Variants in AGTRAP observed in about 807,000 individuals in gnomAD.
AGTRAP encodes angiotensin II receptor associated protein, also known as type-1 angiotensin II receptor-associated protein.
Under a neutral mutation model 15.2 loss-of-function variants are expected in AGTRAP, and 7 were observed. That is an observed-to-expected ratio of 0.46 (90% CI 0.26 to 0.87). The LOEUF is 0.87. AGTRAP is among the 40% of genes least tolerant of loss of function. AGTRAP has a pLI of 0.15. For missense variants in AGTRAP, 187 were observed against 213.4 expected (o/e 0.88, Z 0.77); for synonymous variants, 74 against 89.6 (o/e 0.83, Z 0.98).
intron 1 of AGTRAP, among the ~76,000 whole-genome samples, chr1:11,743,077 C>G (rs1642071825): frequency 6.6e-6 from 1 of 152,144 alleles, no homozygotes; most frequent in African/African-American, 2.4e-5. Flanking sequence ...TCTGTGCCAC[C>G]CCACCCCGAC....
In AGTRAP at chr1:11,748,501, C is replaced by T. The variant is rs796560776; in HGVS notation, c.255C>T (p.Gly85=). ...CGCGGGTCAGCCTCACGGACACGGG[C>T]CGCTTTGGCGTGGGCATGGCCATCC... is the stretch of plus-strand genomic sequence containing the variant. ...FYPRVSLTDT[G]RFGVGMAILS... is the part of the protein sequence containing the mutation. The change falls in exon 4 of 5, where the codon GGC becomes GGT. Residue 85 remains glycine, a synonymous_variant. Transcript: ENST00000314340. The T allele has an allele frequency of 1.2e-6, 2 of 1,613,276 alleles. No homozygotes were observed. The highest frequency in any genetic ancestry group is 2.2e-5 in the South Asian group (2 of 91,088).
intron 1 of AGTRAP, among the ~76,000 whole-genome samples, chr1:11,737,664 T>C (rs1035859667): frequency 6.6e-6 from 1 of 152,210 alleles, no homozygotes; most frequent in Non-Finnish European, 1.5e-5. Context: ...CCAGGTCCTT[T>C]CTGGGGTACC....
chr1:11,740,516 T>C (rs1399240557), intron 1 of AGTRAP, among the ~76,000 whole-genome samples: 1 of 152,196 alleles, frequency 6.6e-6, no homozygotes, highest in African/African-American at 2.4e-5. Context: ...CAGGTTACGT[T>C]GTTTTCTTCC....
chr1:11,741,421 T>G (rs1642028330), intron 1 of AGTRAP, among the ~76,000 whole-genome samples: 1 of 152,230 alleles, frequency 6.6e-6, no homozygotes. Context: ...GCTCCGAATC[T>G]GCTCTGCACA....
chr1:11,739,966 A>T (rs1641989614), intron 1 of AGTRAP, among the ~76,000 whole-genome samples: 1 of 152,224 alleles, frequency 6.6e-6, no homozygotes, highest in African/African-American at 2.4e-5. Context: ...CCAGCATAGC[A>T]TCCTGGGACC....
rs777849077 is a variant in AGTRAP, at chr1:11,736,232, G to A, written c.24G>A (p.Leu8=). The A allele has an allele frequency of 2.5e-5, 41 of 1,608,256 alleles. 1 individual carries two copies. In the South Asian group the frequency reaches 4.6e-4, roughly 18 times the overall value. The stretch of plus-strand genomic sequence containing the variant: ...GGATGGAGCTGCCTGCTGTGAACCT[G>A]AAGGTGGCGACGGGCTGGGGGGAGG... The part of the protein sequence containing the change: MELPAVN[L]KVILLGHWLL... Residue 8 remains leucine (L), a synonymous_variant, in exon 1 of 5, where the codon CTG becomes CTA. Transcript: ENST00000314340.
intron 1 of AGTRAP, among the ~76,000 whole-genome samples, chr1:11,739,500 C>T (rs187351098): frequency 2.2e-3 from 337 of 152,146 alleles, no homozygotes; most frequent in African/African-American, 7.9e-3. Context: ...TGCAGTGAGC[C>T]GAGATCGCAC....
chr1:11,740,626 A>G (rs1235786779), intron 1 of AGTRAP, among the ~76,000 whole-genome samples: 1 of 152,178 alleles, frequency 6.6e-6, no homozygotes, highest in Non-Finnish European at 1.5e-5. Context: ...GGTTGTAAGC[A>G]TGACCCTTAG....
At chr1:11,737,576 A>C (rs764988247) in intron 1 of AGTRAP, among the ~76,000 whole-genome samples, 14 of 152,164 alleles carry the variant, frequency 9.2e-5, no homozygotes, top group Admixed American at 6.5e-5. Flanking sequence ...TTCAGCTTAG[A>C]CTGGGTAAAT....
At chr1:11,742,482 CTTTT>C (rs1570341168) in intron 1 of AGTRAP, among the ~76,000 whole-genome samples, 1 of 150,132 alleles carries the variant, frequency 6.7e-6, no homozygotes, top group East Asian at 2.0e-4. Flanking sequence ...CCTTTTCTTT[CTTTT>C]TCTTTCTTTC....
At position 11,748,584 on chromosome 1, in the gene AGTRAP, G is replaced by A. The variant is rs951091449; in HGVS notation, c.338G>A (p.Arg113His). ...CCFVYHMYRE[R>H]GGELLVHTGF... is the part of the protein sequence containing the mutation. The stretch of plus-strand genomic sequence containing the variant: ...TTCGTCTACCACATGTACCGGGAGC[G>A]CGGGGGTGAGCTCCTGGTCCACACT... Residue 113 changes from arginine (R) to histidine (H), a missense_variant, in exon 4 of 5, where the codon CGC (arginine) becomes CAC (histidine). Coordinates refer to ENST00000314340, the MANE Select transcript of AGTRAP (RefSeq NM_020350.5). 6.8e-6 allele frequency: 11 copies of A among 1,609,102 alleles called. No individual in the cohort carries two copies. Among genetic ancestry groups the A allele is most frequent in the South Asian group, 6.6e-5 (6 of 91,078 alleles).
At chr1:11,737,795 A>G (rs892309390) in intron 1 of AGTRAP, among the ~76,000 whole-genome samples, 49 of 152,200 alleles carry the variant, frequency 3.2e-4, no homozygotes, top group African/African-American at 1.2e-3. Flanking sequence ...GGTATGAGCT[A>G]TGCTGGCTTT....
chr1:11,739,569 C>T (rs536893499), intron 1 of AGTRAP, among the ~76,000 whole-genome samples: 1 of 152,270 alleles, frequency 6.6e-6, no homozygotes, highest in East Asian at 1.9e-4. Flanking sequence ...CAAACAAAAA[C>T]TCTGGCTGGA....
At chr1:11,737,834 C>T (rs1240170858) in intron 1 of AGTRAP, among the ~76,000 whole-genome samples, 1 of 152,084 alleles carries the variant, frequency 6.6e-6, no homozygotes, top group Non-Finnish European at 1.5e-5. Context: ...GGCTGGTCCT[C>T]CCCTTGACTT....
At position 11,747,460 on chromosome 1, in the gene AGTRAP, G is replaced by A. The variant is rs1642191560; in HGVS notation, c.83G>A (p.Gly28Asp). The change falls in exon 3 of 5, where the codon GGC becomes GAC. Residue 28 changes from glycine to aspartate, a missense_variant. Gly to Asp is a moderately conservative substitution (Grantham distance 94, BLOSUM62 -1). Transcript: ENST00000314340. ...TACAGGGGCTGCATTGTATTCTCAG[G>A]CTCCTATGCCTGGGCCAACTTCACC... ...LTTWGCIVFS[G>D]SYAWANFTIL... 1 of 1,614,038 alleles carries A rather than the reference G, an allele frequency of 6.2e-7. No homozygotes were observed. The highest frequency in any genetic ancestry group is 1.3e-5 in the African/African-American group (1 of 74,942).
At chr1:11,743,198 G>A (rs1221258155) in intron 1 of AGTRAP, among the ~76,000 whole-genome samples, 1 of 151,986 alleles carries the variant, frequency 6.6e-6, no homozygotes, top group Non-Finnish European at 1.5e-5. Flanking sequence ...CCTTCCCTTT[G>A]GAAGCTCTTT....
At position 11,750,634 on chromosome 1, in the gene AGTRAP, C is replaced by T. The variant is rs1128065; in HGVS notation, c.*442C>T. The T allele has an allele frequency of 0.27, 93,959 of 352,346 alleles. 13,585 individuals are homozygous for T. Among genetic ancestry groups the T allele is most frequent in the East Asian group, 0.35 (6,319 of 18,074 alleles). 21.8% of individuals were successfully genotyped at this position (352,346 alleles called of 1,614,324 possible). On this transcript the variant is annotated 3_prime_UTR_variant, in exon 5 of 5. Coordinates refer to ENST00000314340, the MANE Select transcript of AGTRAP (RefSeq NM_020350.5). ...GCAGTCTGGCATGGGAGTGAGGCCC[C>T]GTCCTTCTCACTGCCTGGTCACATG...
chr1:11,746,373 A>G (rs1642164521), intron 2 of AGTRAP: 1 of 671,418 alleles, frequency 1.5e-6, no homozygotes, highest in Non-Finnish European at 2.5e-6. Context: ...AAAAGATAAG[A>G]TGGTTTATTC....
chr1:11,737,766 C>G (rs573189005), intron 1 of AGTRAP, among the ~76,000 whole-genome samples: 1 of 152,110 alleles, frequency 6.6e-6, no homozygotes, highest in Non-Finnish European at 1.5e-5. Context: ...TTGGGCCTGA[C>G]AGGCTAAGAG....
Sources: allele counts gnomAD v4.1 joint callset (sites outside exome capture counted in the v4.1 genomes callset), GRCh38; gene constraint gnomAD v4.1.1; transcripts MANE v1.5; gene names NCBI Gene and HGNC (gene_info 2026-07-23, HGNC 2026-07-21).